Variants in TTN observed in about 807,000 individuals in gnomAD.
TTN encodes connectin.
In TTN, 1,525 loss-of-function variants were observed where a neutral mutation model predicts 3,223.0. The ratio of observed to expected loss-of-function variants is 0.47; its 90% CI spans 0.45 to 0.49. The LOEUF (loss-of-function observed/expected upper bound fraction) is 0.49. Among genes scored for constraint, TTN ranks in the 20% least tolerant of loss-of-function variants. The pLI is 0.00. For missense variants in TTN, 40,786 were observed against 43,424.0 expected, an observed-to-expected ratio of 0.94 and a Z score of 5.40; for synonymous variants, 14,094 against 15,161.0, an observed-to-expected ratio of 0.93 and a Z score of 5.17.
rs1560728367 is a variant in TTN at position 178,725,487 on chromosome 2, A to G, written c.20717T>C (p.Val6906Ala). 6.2e-7 allele frequency: 1 copy of G among 1,613,316 alleles called. No homozygotes were observed. Among genetic ancestry groups the G allele is most frequent in the Non-Finnish European group, 8.5e-7 (1 of 1,179,530 alleles). ...AAACTGTAGAGTTGCAACATTTTCCACAAATGTAATCCTGATGTTTTCACT... is the reference window on the plus strand; with the variant it reads ...AAACTGTAGAGTTGCAACATTTTCCGCAAATGTAATCCTGATGTTTTCACT... ...RESENIRITF[V>A]ENVATLQFAK... is the part of the protein sequence containing the mutation. The change falls in exon 71 of 363, where the codon GTG becomes GCG. Residue 6906 changes from valine (V) to alanine (A), a missense_variant. Physicochemically the swap from Val to Ala is moderately conservative, Grantham distance 64. Transcript: ENST00000589042.
Position 178,620,063 on chromosome 2 carries a change from A to G in TTN, c.46354T>C (p.Cys15452Arg). 1 of 1,611,934 alleles carries G rather than the reference A, an allele frequency of 6.2e-7. No individual in the cohort carries two copies. The change falls in exon 249 of 363, where the codon TGC (cysteine) becomes CGC (arginine). Residue 15452 changes from cysteine (C) to arginine (R), a missense_variant. By Grantham distance (180) the Cys-to-Arg change is radical. Coordinates refer to ENST00000589042, the MANE Select transcript of TTN (RefSeq NM_001267550.2). ...TATTCACACTCATCATCCAGCCTGC[A>G]ATCTTTTATAATGAGTCTGTGTATA... ...GSIHRLIIKD[C>R]RLDDECEYAC...
rs2061644203 is a variant in TTN at position 178,644,588 on chromosome 2, T to C, written c.40437A>G (p.Lys13479=). 2 of 1,576,890 alleles carry C rather than the reference T, an allele frequency of 1.3e-6. No homozygotes were observed. The highest frequency in any genetic ancestry group is 3.8e-5 in the Admixed American group (2 of 53,116). Residue 13479 remains lysine, a synonymous_variant, in exon 218 of 363, where the codon AAA becomes AAG. Transcript: ENST00000589042. ...KAIPKKKVPE[K]PQVPEKVELT... ...GCTCCACTTTTTCTGGAACCTGAGGTTTTTCAGGAACTTTCTTCTTTGGAA... is the reference window on the plus strand; with the variant it reads ...GCTCCACTTTTTCTGGAACCTGAGGCTTTTCAGGAACTTTCTTCTTTGGAA...
At position 178,594,532 on chromosome 2, in the gene TTN, A is replaced by G. The variant is rs1395371412; in HGVS notation, c.57962T>C (p.Leu19321Pro). The G allele has an allele frequency of 6.2e-7, 1 of 1,613,408 alleles. No individual in the cohort carries two copies. Among genetic ancestry groups the G allele is most frequent in the Non-Finnish European group, 8.5e-7 (1 of 1,179,552 alleles). ...CTCAGTCCCAATGAGCCGACTTTCT[A>G]GGACATAGTTAATAATTTCTGACCC... ...DGGSEIINYV[L>P]ESRLIGTEKF... Residue 19321 changes from leucine (L) to proline (P), a missense_variant, in exon 296 of 363, where the codon CTA (leucine) becomes CCA (proline). Leu to Pro is a moderately conservative substitution (Grantham distance 98). Coordinates refer to ENST00000589042, the MANE Select transcript of TTN (RefSeq NM_001267550.2).
At chr2:178,690,755 T>A (rs1014037419) in intron 121 of TTN, among the ~76,000 whole-genome samples, 1 of 152,188 alleles carries the variant, frequency 6.6e-6, no homozygotes, top group Non-Finnish European at 1.5e-5. Context: ...TGTTAATTTA[T>A]ATATGTATAT....
rs1283834442 is a variant in TTN at position 178,723,928 on chromosome 2, T to A, written c.21331A>T (p.Met7111Leu). ...GCAGCCACGCATGTGTAATTGCCCATATCTGAGGAATCCAGAGAATTCAAC... is the reference window on the plus strand; with the variant it reads ...GCAGCCACGCATGTGTAATTGCCCAAATCTGAGGAATCCAGAGAATTCAAC... Reference protein sequence around the residue: ...LQLNSLDSSDMGNYTCVAANV... With the variant: ...LQLNSLDSSDLGNYTCVAANV... Residue 7111 changes from methionine to leucine, a missense_variant, in exon 73 of 363, where the codon ATG becomes TTG. Met to Leu is a conservative substitution (Grantham distance 15). Coordinates refer to ENST00000589042, the MANE Select transcript of TTN (RefSeq NM_001267550.2). 6.2e-7 allele frequency: 1 copy of A among 1,613,544 alleles called. No individual in the cohort carries two copies. Among genetic ancestry groups the A allele is most frequent in the Admixed American group, 1.7e-5 (1 of 60,000 alleles).
chr2:178,673,022 A>T (rs1330199517), intron 152 of TTN, among the ~76,000 whole-genome samples: 1 of 151,682 alleles, frequency 6.6e-6, no homozygotes, highest in African/African-American at 2.4e-5. Context: ...TTACCATTGT[A>T]GAGTATTTAA....
At position 178,551,708 on chromosome 2, in the gene TTN, G is replaced by T; in HGVS notation, c.91192C>A (p.Arg30398Ser). The change falls in exon 335 of 363, where the codon CGT becomes AGT. Residue 30398 changes from arginine (R) to serine (S), a missense_variant. Arg to Ser is a moderately radical substitution (Grantham distance 110). Coordinates refer to ENST00000589042, the MANE Select transcript of TTN (RefSeq NM_001267550.2). ...CCAGCAGAATTTTCAGCATATACAC[G>T]GAATTGGTAATCCAGACCTTCTACC... ...GLVEGLDYQF[R>S]VYAENSAGLS... 6.2e-7 allele frequency: 1 copy of T among 1,613,486 alleles called. No homozygotes were observed. Among genetic ancestry groups the T allele is most frequent in the African/African-American group, 1.3e-5 (1 of 75,016 alleles).
chr2:178,623,043 C>G (rs1363583185), intron 242 of TTN, among the ~76,000 whole-genome samples: 1 of 151,840 alleles, frequency 6.6e-6, no homozygotes, highest in Non-Finnish European at 1.5e-5. Flanking sequence ...CATCTCAGTT[C>G]TTTTGAATAA....
Position 178,620,983 on chromosome 2 carries a change from C to A in TTN, c.45627G>T (p.Arg15209Ser). Reference protein sequence around the residue: ...AAHLTVIEKLRIVVPLKDTRV... With the variant: ...AAHLTVIEKLSIVVPLKDTRV... ...GGGTGTCCTTAAGAGGAACTACGAT[C>A]CTGAGTTTTTCTGAAAGCAACCGAC... Residue 15209 changes from arginine (R) to serine (S), a missense_variant, in exon 247 of 363, where the codon AGG becomes AGT. Arg to Ser is a moderately radical substitution (Grantham distance 110). Transcript: ENST00000589042. 1 of 1,609,750 alleles carries A rather than the reference C, an allele frequency of 6.2e-7. No individual in the cohort carries two copies. Among genetic ancestry groups the A allele is most frequent in the Non-Finnish European group, 8.5e-7 (1 of 1,178,526 alleles).
chr2:178,611,338 A>G, intron 269 of TTN, 34 bp downstream of exon 269: 2 of 1,610,724 alleles, frequency 1.2e-6, no homozygotes, highest in Non-Finnish European at 1.7e-6. Flanking sequence ...AATAAAGGGT[A>G]TTTTATTAAC....
chr2:178,582,128 C>G lies in TTN; in HGVS notation c.66241G>C (p.Asp22081His). The part of the protein sequence containing the change: ...HMTVSWKPPA[D>H]DGGSPITGYL... ...CCAGTGATGGGTGAGCCCCCATCAT[C>G]TGCTGGTGGCTTCCAGCTGACTGTC... Residue 22081 changes from aspartate (D) to histidine (H), a missense_variant, in exon 315 of 363, where the codon GAT becomes CAT. Asp to His is a moderately conservative substitution (Grantham distance 81, BLOSUM62 -1). Transcript: ENST00000589042. 1.2e-6 allele frequency: 2 copies of G among 1,612,818 alleles called. No individual in the cohort carries two copies. Among genetic ancestry groups the G allele is most frequent in the Non-Finnish European group, 1.7e-6 (2 of 1,179,526 alleles).
Position 178,770,473 on chromosome 2 carries a change from A to G in TTN, c.8319T>C (p.Asp2773=). ...CAAGCCTGAAGCCATAAACAGACTC[A>G]TCCACGATGGCACAGTTTTTAATCC... ...SLRIKNCAIV[D]ESVYGFRLGR... Residue 2773 remains aspartate, a synonymous_variant, in exon 35 of 363, where the codon GAT becomes GAC. Coordinates refer to ENST00000589042, the MANE Select transcript of TTN (RefSeq NM_001267550.2). 2 of 1,614,176 alleles carry G rather than the reference A, an allele frequency of 1.2e-6. No individual in the cohort carries two copies. Among genetic ancestry groups the G allele is most frequent in the South Asian group, 2.2e-5 (2 of 91,084 alleles).
At position 178,632,356 on chromosome 2, in the gene TTN, C is replaced by G. The variant is rs557216748; in HGVS notation, c.43538G>C (p.Ser14513Thr). ...LKDVTAKEKE[S>T]AVFTVELSHD... is the part of the protein sequence containing the mutation. Reference sequence around the variant, plus strand: ...AGATAACTCCACAGTAAATACAGCACTTTCCTTCTCTTTGGCAGTTACATC... The same window carrying G: ...AGATAACTCCACAGTAAATACAGCAGTTTCCTTCTCTTTGGCAGTTACATC... Residue 14513 changes from serine (S) to threonine (T), a missense_variant, in exon 236 of 363, where the codon AGT becomes ACT. Ser to Thr is a moderately conservative substitution (Grantham distance 58). Coordinates refer to ENST00000589042, the MANE Select transcript of TTN (RefSeq NM_001267550.2). 2 of 1,604,022 alleles carry G rather than the reference C, an allele frequency of 1.2e-6. No homozygotes were observed. Among genetic ancestry groups the G allele is most frequent in the Non-Finnish European group, 1.7e-6 (2 of 1,174,924 alleles).
chr2:178,621,981 T>C lies in TTN; in HGVS notation c.44941A>G (p.Ile14981Val). The change falls in exon 244 of 363, where the codon ATT (isoleucine) becomes GTT (valine). Residue 14981 changes from isoleucine (I) to valine (V), a missense_variant. By Grantham distance (29) the Ile-to-Val change is conservative. Transcript: ENST00000589042. The stretch of plus-strand genomic sequence containing the variant: ...ATGTCATATTTTTTGCCCTTTTTAA[T>C]TTCAGCACCATCTTTAAACCACTTA... ...KVKWFKDGAE[I>V]KKGKKYDIIS... The C allele has an allele frequency of 1.9e-6, 3 of 1,610,016 alleles. No homozygotes were observed. The highest frequency in any genetic ancestry group is 1.7e-6 in the Non-Finnish European group (2 of 1,177,846).
rs781312539 is a variant in TTN at position 178,562,780 on chromosome 2, C to T, written c.83352G>A (p.Thr27784=). The T allele has an allele frequency of 1.3e-5, 21 of 1,613,212 alleles. No homozygotes were observed. Among genetic ancestry groups the T allele is most frequent in the Admixed American group, 5.0e-5 (3 of 59,942 alleles). Residue 27784 remains threonine (T), a synonymous_variant, in exon 326 of 363, where the codon ACG becomes ACA. Coordinates refer to ENST00000589042, the MANE Select transcript of TTN (RefSeq NM_001267550.2). ...TIREVKKDSV[T]LSWEPPLIDG... ...CAATAAGTGGTGGTTCCCAGGACAA[C>T]GTCACTGAGTCTTTCTTCACTTCTC...
intron 24 of TTN, 38 bp from the exon 25 acceptor site, chr2:178,778,013 A>C: frequency 6.2e-7 from 1 of 1,604,176 alleles, no homozygotes; most frequent in South Asian, 1.1e-5. Context: ...CGTGAGGCAT[A>C]AAGAAAACTC....
rs1470911398 is a variant in TTN at position 178,574,432 on chromosome 2, C to T, written c.71700G>A (p.Arg23900=). The T allele has an allele frequency of 6.2e-7, 1 of 1,613,434 alleles. No homozygotes were observed. The highest frequency in any genetic ancestry group is 2.2e-5 in the East Asian group (1 of 44,856). The change falls in exon 326 of 363, where the codon CGG becomes CGA. Residue 23900 remains arginine (R), a synonymous_variant. Transcript: ENST00000589042. ...TGCCTGCCATGTTTTCTGCAATCACCCGGAACTCATAAGCAATACCATCTG... is the reference window on the plus strand; with the variant it reads ...TGCCTGCCATGTTTTCTGCAATCACTCGGAACTCATAAGCAATACCATCTG... ...GLTDGIAYEF[R]VIAENMAGKS...
rs1243700242 is a variant in TTN, at chr2:178,577,979, A to G, written c.68527+9T>C. 3 of 1,608,346 alleles carry G rather than the reference A, an allele frequency of 1.9e-6. No homozygotes were observed. The highest frequency in any genetic ancestry group is 1.7e-6 in the Non-Finnish European group (2 of 1,177,774). On this transcript the variant is annotated intron_variant, in intron 322 of 362. Transcript: ENST00000589042. ...ATGCACCTGGGTTTTTCTTCATATA[A>G]TGACTTACCAATTGGGTCCAGTGCC...
Position 178,531,772 on chromosome 2 carries a change from A to G in TTN, c.104843T>C (p.Met34948Thr). 1 of 1,614,012 alleles carries G rather than the reference A, an allele frequency of 6.2e-7. No individual in the cohort carries two copies. The highest frequency in any genetic ancestry group is 8.5e-7 in the Non-Finnish European group (1 of 1,179,878). ...LDHAPRITLRMRSHRVPCGQN... is the reference protein window; with the variant it reads ...LDHAPRITLRTRSHRVPCGQN... ...GCCACATGGTACCCTGTGCGAGCGC[A>G]TTCTCAGTGTGATTCGAGGGGCATG... is the stretch of plus-strand genomic sequence containing the variant. Residue 34948 changes from methionine to threonine, a missense_variant, in exon 358 of 363, where the codon ATG becomes ACG. Met to Thr is a moderately conservative substitution (Grantham distance 81, BLOSUM62 -1). Coordinates refer to ENST00000589042, the MANE Select transcript of TTN (RefSeq NM_001267550.2).
Sources: allele counts gnomAD v4.1 joint callset (sites outside exome capture counted in the v4.1 genomes callset), GRCh38; gene constraint gnomAD v4.1.1; transcripts MANE v1.5; gene names NCBI Gene and HGNC (gene_info 2026-07-23, HGNC 2026-07-21).